The following KSR1 variants were observed in gnomAD, a reference collection of about 807,000 sequenced individuals.
The protein encoded by KSR1 is kinase suppressor of ras 1, also known as kinase suppressor of ras.
KSR1 carries 35 observed loss-of-function variants against 92.9 expected under a neutral mutation model. The ratio of observed to expected loss-of-function variants is 0.38; its 90% CI spans 0.29 to 0.50. The LOEUF (loss-of-function observed/expected upper bound fraction) is 0.50, where lower values mean the gene tolerates loss of function less well. Among genes scored for constraint, KSR1 ranks in the 20% least tolerant of loss-of-function variants. KSR1 has a pLI of 0.94. For missense variants in KSR1, 972 were observed against 1,158.5 expected, an observed-to-expected ratio of 0.84 and a Z score of 2.34; for synonymous variants, 467 against 472.6, an observed-to-expected ratio of 0.99 and a Z score of 0.15.
chr17:27,603,517 G>A (rs1197616372), intron 11 of KSR1, among the ~76,000 whole-genome samples: 1 of 152,242 alleles, frequency 6.6e-6, no homozygotes, highest in Non-Finnish European at 1.5e-5. Context: ...TTGGTGGGGG[G>A]CAGTTTGGCC....
intron 1 of KSR1, among the ~76,000 whole-genome samples, chr17:27,546,162 G>C (rs1340251758): frequency 1.3e-5 from 2 of 152,196 alleles, no homozygotes; most frequent in Non-Finnish European, 2.9e-5. Context: ...GAGAAACATG[G>C]GGATAAGAAC....
intron 18 of KSR1, 113 bp from the exon 19 acceptor site, chr17:27,617,182 G>A (rs1330253412): frequency 2.0e-5 from 24 of 1,201,366 alleles, no homozygotes; most frequent in African/African-American, 3.1e-5. Context: ...TCAGGGGGCC[G>A]CCAGTTAGAG....
intron 1 of KSR1, among the ~76,000 whole-genome samples, chr17:27,503,224 G>T (rs1683277223): frequency 1.3e-5 from 2 of 152,182 alleles, no homozygotes. Flanking sequence ...GGTAATTTTT[G>T]TCCTCCAGGG....
intron 1 of KSR1, among the ~76,000 whole-genome samples, chr17:27,457,555 T>G (rs1475970645): frequency 6.6e-6 from 1 of 152,142 alleles, no homozygotes; most frequent in East Asian, 1.9e-4. Context: ...AGCAAGCCTT[T>G]GGTGGGAAGA....
At chr17:27,597,490 CTCAGCAGACCCAAGT>C in intron 10 of KSR1, 54 bp downstream of exon 10, 5 of 1,518,278 alleles carry the variant, frequency 3.3e-6, no homozygotes, top group Non-Finnish European at 4.4e-6. Flanking sequence ...AGATCCCCTT[CTCAGCAGACCCAAGT>C]TCGGCAGATT....
At chr17:27,528,060 T>C (rs186146230) in intron 1 of KSR1, among the ~76,000 whole-genome samples, 13 of 152,208 alleles carry the variant, frequency 8.5e-5, no homozygotes, top group African/African-American at 3.1e-4. Flanking sequence ...AGTTAATGCA[T>C]TTATTTTGTT....
chr17:27,618,857 C>CA (rs1364434901), intron 19 of KSR1, among the ~76,000 whole-genome samples: 2 of 151,910 alleles, frequency 1.3e-5, no homozygotes, highest in South Asian at 2.1e-4. Flanking sequence ...AAAAACTTTC[C>CA]AAAAAAAATT....
chr17:27,590,425 T>G (rs976928148), intron 6 of KSR1, among the ~76,000 whole-genome samples: 2 of 152,244 alleles, frequency 1.3e-5, no homozygotes, highest in East Asian at 3.8e-4. Context: ...GTCTTTATGC[T>G]GCTAACATGC....
chr17:27,533,411 G>A (rs897340322), intron 1 of KSR1, among the ~76,000 whole-genome samples: 8 of 149,988 alleles, frequency 5.3e-5, no homozygotes, highest in South Asian at 2.1e-4. Flanking sequence ...TTAAGATGGA[G>A]TATCACTCTG....
chr17:27,585,597 A>G, intron 4 of KSR1, 60 bp from the exon 5 acceptor site: 1 of 732,712 alleles, frequency 1.4e-6, no homozygotes, highest in Non-Finnish European at 2.5e-6. Context: ...GTAGTGTTCT[A>G]GGAACACGCC....
At chr17:27,505,593 G>C (rs201064962) in intron 1 of KSR1, among the ~76,000 whole-genome samples, 1 of 2,052 alleles carries the variant, frequency 4.9e-4, no homozygotes, top group Non-Finnish European at 1.9e-3. Context: ...AGCAAGCTGC[G>C]ATCTCCCTGT....
chr17:27,585,008 C>T (rs2072914218), intron 4 of KSR1, among the ~76,000 whole-genome samples: 1 of 152,226 alleles, frequency 6.6e-6, no homozygotes, highest in South Asian at 2.1e-4. Context: ...GCAATCTCGG[C>T]TCACTGCAAC....
chr17:27,492,937 A>G (rs2068871819), intron 1 of KSR1, among the ~76,000 whole-genome samples: 1 of 152,208 alleles, frequency 6.6e-6, no homozygotes. Flanking sequence ...TGGCATTCCC[A>G]GCCTTACTTT....
At chr17:27,537,537 A>G (rs2070794159) in intron 1 of KSR1, among the ~76,000 whole-genome samples, 1 of 152,140 alleles carries the variant, frequency 6.6e-6, no homozygotes, top group African/African-American at 2.4e-5. Flanking sequence ...CTAAAAATAT[A>G]AAATTTAGCT....
chr17:27,570,845 C>T (rs922416091), intron 2 of KSR1, among the ~76,000 whole-genome samples: 3 of 152,182 alleles, frequency 2.0e-5, no homozygotes, highest in South Asian at 2.1e-4. Flanking sequence ...CCTCATGGTC[C>T]GCACCTCCAG....
chr17:27,617,224 G>A (rs2074087375), intron 18 of KSR1, 71 bp from the exon 19 acceptor site: 1 of 1,477,690 alleles, frequency 6.8e-7, no homozygotes, highest in Non-Finnish European at 9.1e-7. Flanking sequence ...GACCCTTTGT[G>A]GAGCACCCCT....
intron 1 of KSR1, among the ~76,000 whole-genome samples, chr17:27,531,764 T>C (rs905162253): frequency 6.6e-6 from 1 of 152,232 alleles, no homozygotes; most frequent in Non-Finnish European, 1.5e-5. Context: ...TAACATTGCC[T>C]AGGTTCACCT....
At chr17:27,462,156 C>T (rs543334915) in intron 1 of KSR1, among the ~76,000 whole-genome samples, 6 of 152,298 alleles carry the variant, frequency 3.9e-5, no homozygotes, top group African/African-American at 9.6e-5. Flanking sequence ...ACTAGGCTCT[C>T]GGCATATGTT....
At chr17:27,504,256 G>T (rs2069295656) in intron 1 of KSR1, among the ~76,000 whole-genome samples, 1 of 152,248 alleles carries the variant, frequency 6.6e-6, no homozygotes, top group African/African-American at 2.4e-5. Context: ...GCCTGGCTCT[G>T]TGAGGCTGGT....
Sources: allele counts gnomAD v4.1 joint callset (sites outside exome capture counted in the v4.1 genomes callset), GRCh38; gene constraint gnomAD v4.1.1; transcripts MANE v1.5; gene names NCBI Gene and HGNC (gene_info 2026-07-23, HGNC 2026-07-21).